ZNF713: variants seen among roughly 807,000 people sequenced by gnomAD.
ZNF713 encodes the protein zinc finger protein 713.
A neutral mutation model predicts 28.7 loss-of-function variants in ZNF713; 21 were observed. That is an observed-to-expected ratio of 0.73 (90% CI 0.52 to 1.05). ZNF713 has a LOEUF of 1.05. Ranked by LOEUF, ZNF713 falls within the 50% of genes least tolerant of loss-of-function variation. The pLI is 0.00. For synonymous variants in ZNF713, 167 were observed against 178.0 expected (o/e 0.94, Z 0.49); for missense variants, 458 against 532.4 (o/e 0.86, Z 1.37).
chr7:55,888,739 A>G (rs1785325168), intron 1 of ZNF713, among the ~76,000 whole-genome samples: 1 of 60,366 alleles, frequency 1.7e-5, no homozygotes, highest in South Asian at 5.0e-4. Flanking sequence ...ATATACGTAC[A>G]TACATACATA....
intron 6 of ZNF713, among the ~76,000 whole-genome samples, chr7:55,931,575 TCTCTCCCTCCTTCTTTCCCTCTCTC>T (rs1352473572): frequency 0.013 from 1,975 of 150,680 alleles, 53 homozygotes; most frequent in African/African-American, 0.045. Flanking sequence ...CCTCTCTTCT[TCTCTCCCTCCTTCTTTCCCTCTCTC>T]CTCTCCCTCC....
chr7:55,939,943 G>T lies in ZNF713; in HGVS notation c.1269G>T (p.Glu423Asp). The change falls in exon 7 of 7, where the codon GAG becomes GAT. Residue 423 changes from glutamate to aspartate, a missense_variant. By Grantham distance (45) the Glu-to-Asp change is conservative. Transcript: ENST00000429591. Reference sequence around the variant, plus strand: ...AACACAGGAAAATCCATACTCGGGAGAAATTATGTGAATATAAATGTGAGC... The same window carrying T: ...AACACAGGAAAATCCATACTCGGGATAAATTATGTGAATATAAATGTGAGC... ...LNQHRKIHTR[E>D]KLCEYKCEQT... 6.2e-7 allele frequency: 1 copy of T among 1,612,852 alleles called. No homozygotes were observed. Among genetic ancestry groups the T allele is most frequent in the Non-Finnish European group, 8.5e-7 (1 of 1,179,256 alleles).
At chr7:55,894,753 A>G (rs910132787) in intron 1 of ZNF713, among the ~76,000 whole-genome samples, 1 of 152,220 alleles carries the variant, frequency 6.6e-6, no homozygotes. Flanking sequence ...AGGTCTATTA[A>G]TAATGAAATA....
At chr7:55,911,529 T>C (rs1785783436) in intron 2 of ZNF713, 87 bp from the exon 3 acceptor site, 1 of 152,158 alleles carries the variant, frequency 6.6e-6, no homozygotes, top group African/African-American at 2.4e-5. Context: ...GAAGAATAGT[T>C]TGTATGTCTC....
At chr7:55,936,905 C>T (rs985963891) in intron 6 of ZNF713, among the ~76,000 whole-genome samples, 2 of 152,100 alleles carry the variant, frequency 1.3e-5, no homozygotes, top group African/African-American at 2.4e-5. Flanking sequence ...CCATTTTAAC[C>T]ATCTGCTAAG....
intron 4 of ZNF713, among the ~76,000 whole-genome samples, chr7:55,920,414 T>A (rs998505966): frequency 6.6e-6 from 1 of 152,162 alleles, no homozygotes; most frequent in Non-Finnish European, 1.5e-5. Flanking sequence ...GTTGCAGATA[T>A]GGAGAAAGTT....
chr7:55,940,169 C>G lies in ZNF713; in HGVS notation c.*163C>G. 2 of 1,255,696 alleles carry G rather than the reference C, an allele frequency of 1.6e-6. No homozygotes were observed. The highest frequency in any genetic ancestry group is 2.1e-6 in the Non-Finnish European group (2 of 952,056). The allele number at this position is 1,255,696 out of a possible 1,614,324, so 77.8% of individuals were successfully genotyped here. ...ACTGAGTCTCACTCTGTCACCCAGG[C>G]TGAAGTGCAGTGGTACAATCTTGGC... On this transcript the variant is annotated 3_prime_UTR_variant, in exon 7 of 7. Coordinates refer to ENST00000429591, the MANE Select transcript of ZNF713 (RefSeq NM_182633.3).
chr7:55,914,152 T>C (rs1032345166), intron 4 of ZNF713, among the ~76,000 whole-genome samples: 37 of 151,286 alleles, frequency 2.4e-4, no homozygotes, highest in Admixed American at 4.6e-4. Context: ...TTTCCAAAGA[T>C]GAGAAAATGA....
rs1786474504 is a variant in ZNF713, at chr7:55,941,706, T to A, written c.*1700T>A. ...ATGCTAGTTTTATATGCTAATTAAATTTATTCTACTCTTCATCAAAATAGA... is the reference window on the plus strand; with the variant it reads ...ATGCTAGTTTTATATGCTAATTAAAATTATTCTACTCTTCATCAAAATAGA... On this transcript the variant is annotated 3_prime_UTR_variant, in exon 7 of 7. Transcript: ENST00000429591. The A allele has an allele frequency of 6.6e-6, 1 of 152,272 alleles. No homozygotes were observed. Among genetic ancestry groups the A allele is most frequent in the East Asian group, 1.9e-4 (1 of 5,192 alleles). The allele number at this position is 152,272 out of a possible 1,614,324, so 9.4% of individuals were successfully genotyped here. A position where few individuals can be genotyped will look rare whatever the true frequency, so the allele number is the denominator to read the frequency against.
In ZNF713 at chr7:55,890,345, G is replaced by A. The variant is rs577389711; in HGVS notation, c.-583+2665G>A. On this transcript the variant is annotated intron_variant, in intron 1 of 6. Coordinates refer to ENST00000429591, the MANE Select transcript of ZNF713 (RefSeq NM_182633.3). ...GGTGCCTGTAATCCCAGCAACTTGG[G>A]AAGCTGAGGCAGGAGAATTGCTTGA... is the stretch of plus-strand genomic sequence containing the variant. Among the ~76,000 whole-genome samples, 17 of 151,656 alleles carry A rather than the reference G, an allele frequency of 1.1e-4. No homozygotes were observed. The South Asian group carries it at 1.9e-3, about 17-fold the overall frequency.
intron 6 of ZNF713, among the ~76,000 whole-genome samples, chr7:55,931,942 A>C (rs1056950420): frequency 2.0e-5 from 3 of 152,220 alleles, no homozygotes; most frequent in African/African-American, 4.8e-5. Flanking sequence ...TTCAGTGCTA[A>C]GAGACGTGAG....
At chr7:55,890,672 A>G (rs1361011732) in intron 1 of ZNF713, among the ~76,000 whole-genome samples, 1 of 152,138 alleles carries the variant, frequency 6.6e-6, no homozygotes, top group Non-Finnish European at 1.5e-5. Context: ...AGAGAATTCT[A>G]AATAAAGATA....
Position 55,939,340 on chromosome 7 carries a change from G to T in ZNF713, c.666G>T (p.Leu222Phe), listed in dbSNP as rs1339739811. Residue 222 changes from leucine to phenylalanine, a missense_variant, in exon 7 of 7, where the codon TTG becomes TTT. Physicochemically the swap from Leu to Phe is conservative, Grantham distance 22. Coordinates refer to ENST00000429591, the MANE Select transcript of ZNF713 (RefSeq NM_182633.3). Reference protein sequence around the residue: ...QGNSIKHNSDLIYYQGNYVRE... With the variant: ...QGNSIKHNSDFIYYQGNYVRE... ...ACAGCATCAAACATAATTCAGACTT[G>T]ATTTACTATCAGGGAAATTATGTAA... 2 of 1,614,012 alleles carry T rather than the reference G, an allele frequency of 1.2e-6. No homozygotes were observed. The highest frequency in any genetic ancestry group is 2.2e-5 in the South Asian group (2 of 91,038).
At chr7:55,902,993 C>CAAAAAAAAAAAAAAAAAAAAA (rs35706402) in intron 1 of ZNF713, among the ~76,000 whole-genome samples, 1 of 80,786 alleles carries the variant, frequency 1.2e-5, no homozygotes, top group Non-Finnish European at 2.3e-5. Flanking sequence ...AACTCCGTCT[C>CAAAAAAAAAAAAAAAAAAAAA]AAAAAAAAAA....
chr7:55,917,275 C>T (rs935508227), intron 4 of ZNF713, among the ~76,000 whole-genome samples: 7 of 144,258 alleles, frequency 4.9e-5, no homozygotes, highest in African/African-American at 1.8e-4. Flanking sequence ...AAAAAAACAA[C>T]AAACTATAAG....
intron 4 of ZNF713, among the ~76,000 whole-genome samples, chr7:55,917,365 A>C (rs180854212): frequency 2.0e-5 from 3 of 152,288 alleles, no homozygotes; most frequent in East Asian, 3.9e-4. Flanking sequence ...AATATATAAA[A>C]TACTTCTCTA....
At chr7:55,919,490 GTTTTTTTT>G (rs55656709) in intron 4 of ZNF713, among the ~76,000 whole-genome samples, 18 of 66,766 alleles carry the variant, frequency 2.7e-4, no homozygotes, top group Non-Finnish European at 4.3e-4. Flanking sequence ...AAACACTCCA[GTTTTTTTT>G]TTTTTTTTTT....
chr7:55,940,520 T>C lies in ZNF713; in HGVS notation c.*514T>C, dbSNP rs1786445903. The stretch of plus-strand genomic sequence containing the variant: ...GGTTATAAAAAGAAAAAATAATTTA[T>C]TTTACAAATGAGATTATATTTGGAG... On this transcript the variant is annotated 3_prime_UTR_variant, in exon 7 of 7. Transcript: ENST00000429591. The C allele has an allele frequency of 1.0e-6, 1 of 980,776 alleles. No homozygotes were observed. The highest frequency in any genetic ancestry group is 1.7e-5 in the African/African-American group (1 of 57,266). The allele number at this position is 980,776 out of a possible 1,614,324, so 60.8% of individuals were successfully genotyped here.
At chr7:55,912,501 G>A (rs2116214836) in intron 3 of ZNF713, 134 bp from the exon 4 acceptor site, 4 of 605,074 alleles carry the variant, frequency 6.6e-6, no homozygotes, top group South Asian at 2.3e-5. Flanking sequence ...GAAGAGTAGA[G>A]ACGTCACAAC....
Sources: allele counts gnomAD v4.1 joint callset (sites outside exome capture counted in the v4.1 genomes callset), GRCh38; gene constraint gnomAD v4.1.1; transcripts MANE v1.5; gene names NCBI Gene and HGNC (gene_info 2026-07-23, HGNC 2026-07-21).